The following SEC16B variants were observed in gnomAD, a reference collection of about 807,000 sequenced individuals.
SEC16B encodes the protein protein transport protein Sec16B.
A neutral mutation model predicts 141.8 loss-of-function variants in SEC16B; 115 were observed. That is an observed-to-expected ratio of 0.81 (90% CI 0.70 to 0.95). The LOEUF is 0.95. Ranked by LOEUF, SEC16B falls within the 40% of genes least tolerant of loss-of-function variation. The probability of loss-of-function intolerance (pLI) is 0.00; values close to 1 mark genes in which losing one functional copy is unlikely to be tolerated. For synonymous variants in SEC16B, 493 were observed against 492.5 expected, an observed-to-expected ratio of 1.00 and a Z score of -0.01; for missense variants, 1,291 against 1,312.3, an observed-to-expected ratio of 0.98 and a Z score of 0.25.
chr1:177,940,594 C>T lies in SEC16B; in HGVS notation c.2127+16G>A. On this transcript the variant is annotated intron_variant, in intron 17 of 25. Coordinates refer to ENST00000308284, the MANE Select transcript of SEC16B (RefSeq NM_033127.4). ...AAGGCCAGTCCCCCCAACGCCCTGG[C>T]TCCAATCCCACTCACCTCCAGCTGC... 6.3e-7 allele frequency: 1 copy of T among 1,599,016 alleles called. No individual in the cohort carries two copies. Among genetic ancestry groups the T allele is most frequent in the Middle Eastern group, 1.7e-4 (1 of 5,856 alleles).
At chr1:177,949,978 T>C (rs546095487) in intron 12 of SEC16B, among the ~76,000 whole-genome samples, 131 of 152,162 alleles carry the variant, frequency 8.6e-4, no homozygotes, top group African/African-American at 3.1e-3. Flanking sequence ...TAGCTAATTG[T>C]ATCATTTCCT....
chr1:177,946,160 G>A, intron 14 of SEC16B: 3 of 591,006 alleles, frequency 5.1e-6, no homozygotes, highest in Non-Finnish European at 9.0e-6. Flanking sequence ...GTGGCCAAAG[G>A]GCACAATACC....
chr1:177,979,756 A>G (rs1654326054), intron 1 of SEC16B, among the ~76,000 whole-genome samples: 1 of 152,246 alleles, frequency 6.6e-6, no homozygotes, highest in Non-Finnish European at 1.5e-5. Flanking sequence ...CAATCATGGC[A>G]GAAGGCAAGG....
chr1:177,958,970 T>C lies in SEC16B; in HGVS notation c.1004A>G (p.Asp335Gly), dbSNP rs1244677691. The C allele has an allele frequency of 3.7e-6, 6 of 1,612,828 alleles. No homozygotes were observed. In the Admixed American group the frequency reaches 1.0e-4, roughly 27 times the overall value. Reference protein sequence around the residue: ...RSFSGPLIREDVHKVDIMTFC... With the variant: ...RSFSGPLIREGVHKVDIMTFC... ...CGTCATAATATCCACCTTATGTACA[T>C]CTTCCCTACATGGAAAAAATTTAGG... The change falls in exon 9 of 26, where the codon GAT becomes GGT. Residue 335 changes from aspartate (D) to glycine (G), a missense_variant. By Grantham distance (94) the Asp-to-Gly change is moderately conservative. Coordinates refer to ENST00000308284, the MANE Select transcript of SEC16B (RefSeq NM_033127.4).
At position 177,928,816 on chromosome 1, in the gene SEC16B, AT is replaced by A. The variant is rs1650211752; in HGVS notation, c.*1041del. 1 of 152,212 alleles carries A rather than the reference AT, an allele frequency of 6.6e-6. No individual in the cohort carries two copies. Among genetic ancestry groups the A allele is most frequent in the African/African-American group, 2.4e-5 (1 of 41,452 alleles). The allele number at this position is 152,212 out of a possible 1,614,324, so 9.4% of individuals were successfully genotyped here. A position where few individuals can be genotyped will look rare whatever the true frequency, so the allele number is the denominator to read the frequency against. On this transcript the variant is annotated 3_prime_UTR_variant, in exon 26 of 26. Coordinates refer to ENST00000308284, the MANE Select transcript of SEC16B (RefSeq NM_033127.4). ...GCTATAAAATTATCTGGGTTTAATT[AT>A]TATCAATATCAGAACTATAGAACAT...
rs1346027371 is a variant in SEC16B, at chr1:177,965,232, A to G, written c.413-65T>C. 10 of 1,586,632 alleles carry G rather than the reference A, an allele frequency of 6.3e-6. No individual in the cohort carries two copies. The East Asian group carries it at 9.0e-5, about 14-fold the overall frequency. On this transcript the variant is annotated intron_variant, in intron 3 of 25. Transcript: ENST00000308284. ...CCTGTTTCTGAAAGTTCTTAGAAAG[A>G]TATTAGTGAGCTGTGAGGAGCTCCT...
intron 1 of SEC16B, among the ~76,000 whole-genome samples, chr1:177,979,244 G>C (rs1053978626): frequency 6.6e-6 from 1 of 152,114 alleles, no homozygotes; most frequent in Non-Finnish European, 1.5e-5. Flanking sequence ...GTGTAAATAG[G>C]TTCATTCAAC....
rs140623339 is a variant in SEC16B at position 177,982,350 on chromosome 1, T to C, written c.-59+1856A>G. Among the ~76,000 whole-genome samples the C allele has an allele frequency of 1.1e-3, 162 of 152,086 alleles. 1 individual carries two copies. The highest frequency in any genetic ancestry group is 3.9e-3 in the African/African-American group (161 of 41,454). ...ACACAGGCAGAATAAAGGAACTGAG[T>C]GATGAGTGTGGTAGTTCCAGAGGAG... On this transcript the variant is annotated intron_variant and NMD_transcript_variant, in intron 1 of 24. Coordinates refer to the SEC16B transcript ENST00000528461.
intron 11 of SEC16B, among the ~76,000 whole-genome samples, chr1:177,952,478 T>G (rs1186270220): frequency 6.6e-6 from 1 of 152,216 alleles, no homozygotes; most frequent in Non-Finnish European, 1.5e-5. Flanking sequence ...GTAGTGCTTT[T>G]GCTCACAAGC....
intron 12 of SEC16B, among the ~76,000 whole-genome samples, chr1:177,949,922 G>A (rs948557431): frequency 4.8e-5 from 7 of 146,128 alleles, no homozygotes; most frequent in African/African-American, 1.6e-4. Flanking sequence ...CTAAAAATAG[G>A]GGAAATTAAG....
chr1:177,974,912 G>C (rs1443840066), upstream of SEC16B, among the ~76,000 whole-genome samples: 1 of 152,160 alleles, frequency 6.6e-6, no homozygotes, highest in African/African-American at 2.4e-5. Context: ...AGGAACAAAA[G>C]TTAAACCTAG....
chr1:177,940,699 T>G lies in SEC16B; in HGVS notation c.2038A>C (p.Lys680Gln). The G allele has an allele frequency of 1.2e-6, 2 of 1,613,456 alleles. No homozygotes were observed. Among genetic ancestry groups the G allele is most frequent in the Non-Finnish European group, 1.7e-6 (2 of 1,179,614 alleles). Residue 680 changes from lysine (K) to glutamine (Q), a missense_variant, in exon 17 of 26, where the codon AAG becomes CAG. By Grantham distance (53) the Lys-to-Gln change is moderately conservative (BLOSUM62 1). Coordinates refer to ENST00000308284, the MANE Select transcript of SEC16B (RefSeq NM_033127.4). ...VELIKLAEKL[K>Q]LSDPLVLERR... ...TCTAAAACCAGAGGATCTGACAGCT[T>G]CAGTTTCTCTGCTAGCTGTGCCAGG...
intron 12 of SEC16B, among the ~76,000 whole-genome samples, chr1:177,949,524 T>G (rs1356464049): frequency 2.7e-5 from 4 of 147,552 alleles, no homozygotes; most frequent in South Asian, 2.2e-4. Flanking sequence ...GGGGACACAG[T>G]AGAGAGAGAG....
intron 2 of SEC16B, among the ~76,000 whole-genome samples, chr1:177,967,227 T>C (rs1361945628): frequency 6.6e-6 from 1 of 152,192 alleles, no homozygotes; most frequent in Non-Finnish European, 1.5e-5. Flanking sequence ...TCGTAGGCAC[T>C]AGGACTCTTC....
intron 8 of SEC16B, 105 bp downstream of exon 8, chr1:177,960,237 T>A (rs1652949774): frequency 2.6e-6 from 2 of 779,046 alleles, no homozygotes; most frequent in Non-Finnish European, 4.4e-6. Flanking sequence ...AGGACAGATA[T>A]TTTTTTCCAA....
At chr1:177,929,961 A>T (rs780372946) in intron 25 of SEC16B, 32 bp from the exon 26 acceptor site, 1 of 1,606,782 alleles carries the variant, frequency 6.2e-7, no homozygotes, top group Admixed American at 1.7e-5. Context: ...TACACTGAGT[A>T]CAGCCCCAAA....
In SEC16B at chr1:177,967,879, G is replaced by A. The variant is rs746118870; in HGVS notation, c.103C>T (p.Pro35Ser). The A allele has an allele frequency of 1.2e-6, 2 of 1,613,970 alleles. No individual in the cohort carries two copies. Among genetic ancestry groups the A allele is most frequent in the Non-Finnish European group, 1.7e-6 (2 of 1,179,886 alleles). ...CCATTGTGCCAAGAGTGAGGGACAG[G>A]CCGATGATGTCCATCTCTCCGAAAC... ...RGFRRDGHHR[P>S]VPHSWHNGER... Residue 35 changes from proline (P) to serine (S), a missense_variant, in exon 2 of 26, where the codon CCT (proline) becomes TCT (serine). Physicochemically the swap from Pro to Ser is moderately conservative, Grantham distance 74. This residue lies in a region of SEC16B where 681 missense variants were observed against 675.5 expected (regional missense o/e 1.01). Coordinates refer to ENST00000308284, the MANE Select transcript of SEC16B (RefSeq NM_033127.4).
chr1:177,968,730 C>T (rs1220198220), intron 1 of SEC16B, among the ~76,000 whole-genome samples: 1 of 152,122 alleles, frequency 6.6e-6, no homozygotes. Flanking sequence ...TTTCTGAATC[C>T]TTACATTAAC....
rs1207939350 is a variant in SEC16B at position 177,937,500 on chromosome 1, G to A, written c.2217C>T (p.Tyr739=). 1.3e-6 allele frequency: 2 copies of A among 1,549,210 alleles called. No homozygotes were observed. Among genetic ancestry groups the A allele is most frequent in the African/African-American group, 2.8e-5 (2 of 72,552 alleles). Residue 739 remains tyrosine, a synonymous_variant, in exon 19 of 26, where the codon TAC becomes TAT. Transcript: ENST00000308284. ...AGGTTTENTF[Y]QDFSGCQGYS... ...AGCCTTGACATCCAGAAAAGTCCTG[G>A]TAGAAAGTGTTTTCTAAGGACGTGG...
Sources: gnomAD v4.1 joint callset for allele counts (sites outside exome capture counted in the v4.1 genomes callset) on GRCh38, gnomAD v4.1.1 for gene constraint, gnomAD v4.1.1 regional missense constraint, MANE v1.5 for transcripts, NCBI Gene and HGNC (gene_info 2026-07-23, HGNC 2026-07-21) for gene names.